RBFOX1: variants seen among roughly 807,000 people sequenced by gnomAD.
The protein encoded by RBFOX1 is RNA binding protein fox-1 homolog 1.
A neutral mutation model predicts 57.7 loss-of-function variants in RBFOX1; 8 were observed. The observed-to-expected ratio is 0.14, with a 90% CI of 0.08 to 0.25. RBFOX1 has a LOEUF of 0.25. Ranked by LOEUF, RBFOX1 falls within the 10% of genes least tolerant of loss-of-function variation. The pLI is 1.00. For synonymous variants in RBFOX1, 326 were observed against 222.4 expected (o/e 1.47, Z -4.15); for missense variants, 611 against 548.5 (o/e 1.11, Z -1.14).
At chr16:7,042,729 C>T (rs1406847245) in intron 3 of RBFOX1, among the ~76,000 whole-genome samples, 2 of 152,100 alleles carry the variant, frequency 1.3e-5, no homozygotes, top group African/African-American at 4.8e-5. Context: ...AGTTCAAGAC[C>T]AGCCTGGCCA....
chr16:6,112,206 T>A (rs1411858457), intron 1 of RBFOX1, among the ~76,000 whole-genome samples: 2 of 152,174 alleles, frequency 1.3e-5, no homozygotes, highest in Non-Finnish European at 2.9e-5. Flanking sequence ...CTTTAAGAAC[T>A]TCTGCTATAA....
intron 3 of RBFOX1, among the ~76,000 whole-genome samples, chr16:5,647,589 C>T (rs2151350270): frequency 6.6e-6 from 1 of 152,232 alleles, no homozygotes; most frequent in Admixed American, 6.5e-5. Flanking sequence ...TTTCCCTTTC[C>T]CCATTTCTCC....
intron 2 of RBFOX1, among the ~76,000 whole-genome samples, chr16:6,549,994 C>A (rs2096961277): frequency 6.6e-6 from 1 of 152,118 alleles, no homozygotes; most frequent in African/African-American, 2.4e-5. Flanking sequence ...ACTTTTTGAA[C>A]ATTGTCTAAG....
intron 3 of RBFOX1, among the ~76,000 whole-genome samples, chr16:7,009,480 C>G (rs959097322): frequency 6.6e-6 from 1 of 151,778 alleles, no homozygotes; most frequent in Non-Finnish European, 1.5e-5. Flanking sequence ...TGACTGCAGC[C>G]CAAGCACAGG....
chr16:5,505,341 G>A (rs551883719), intron 2 of RBFOX1, among the ~76,000 whole-genome samples: 108 of 152,248 alleles, frequency 7.1e-4, no homozygotes, highest in African/African-American at 2.5e-3. Flanking sequence ...GGTGCCTGTC[G>A]TCTTATTCTG....
chr16:6,895,418 ATGTGTGTGTG>A (rs139075559), intron 3 of RBFOX1, among the ~76,000 whole-genome samples: 4,513 of 86,878 alleles, frequency 0.052, 258 homozygotes, highest in Admixed American at 0.07. Flanking sequence ...TTAGTAATAT[ATGTGTGTGTG>A]TGTGTGTGTG....
chr16:7,624,673 G>C (rs774186783), intron 10 of RBFOX1, among the ~76,000 whole-genome samples: 15 of 152,208 alleles, frequency 9.9e-5, no homozygotes, highest in Non-Finnish European at 2.2e-4. Flanking sequence ...GTGCTACTCA[G>C]ACATTGCCCT....
intron 8 of RBFOX1, among the ~76,000 whole-genome samples, chr16:7,596,693 T>G (rs2094718157): frequency 6.6e-6 from 1 of 152,202 alleles, no homozygotes; most frequent in Admixed American, 6.5e-5. Context: ...CGTTCTAAGC[T>G]AGCCTGGGAG....
chr16:7,242,720 G>A (rs950844370), intron 4 of RBFOX1, among the ~76,000 whole-genome samples: 1 of 152,202 alleles, frequency 6.6e-6, no homozygotes, highest in African/African-American at 2.4e-5. Flanking sequence ...CCAGGTTTCT[G>A]ATTGAGTGGC....
chr16:5,603,191 G>T (rs2047425190), downstream of RBFOX1, among the ~76,000 whole-genome samples: 1 of 152,274 alleles, frequency 6.6e-6, no homozygotes. Flanking sequence ...AGTATATTTT[G>T]CCAGCATTCA....
intron 3 of RBFOX1, among the ~76,000 whole-genome samples, chr16:6,976,184 T>C (rs1385928039): frequency 6.6e-6 from 1 of 152,084 alleles, no homozygotes; most frequent in East Asian, 1.9e-4. Flanking sequence ...TGCTATGATT[T>C]CTACAGGAGT....
At chr16:6,725,990 C>A (rs1035579304) in intron 3 of RBFOX1, among the ~76,000 whole-genome samples, 7 of 152,116 alleles carry the variant, frequency 4.6e-5, no homozygotes. Flanking sequence ...CTGGCCCTTT[C>A]ATTATCCTTT....
chr16:5,678,166 C>T (rs556871543), intron 3 of RBFOX1, among the ~76,000 whole-genome samples: 1 of 152,184 alleles, frequency 6.6e-6, no homozygotes, highest in Non-Finnish European at 1.5e-5. Context: ...CAGCCTGATG[C>T]TTCCTTCTGG....
At chr16:6,869,792 A>T (rs904248096) in intron 3 of RBFOX1, among the ~76,000 whole-genome samples, 1 of 152,176 alleles carries the variant, frequency 6.6e-6, no homozygotes, top group South Asian at 2.1e-4. Flanking sequence ...GGAATTTCCA[A>T]TTACTTAATT....
chr16:7,486,097 G>A (rs1296293846), intron 4 of RBFOX1, among the ~76,000 whole-genome samples: 1 of 150,434 alleles, frequency 6.6e-6, no homozygotes, highest in Non-Finnish European at 1.5e-5. Context: ...TGCTGTCTGT[G>A]GGTATTTGTG....
chr16:5,801,341 C>CTT (rs56826567), intron 3 of RBFOX1, among the ~76,000 whole-genome samples: 172 of 143,368 alleles, frequency 1.2e-3, no homozygotes, highest in East Asian at 2.2e-3. Context: ...CTCCCTCTCT[C>CTT]TTTTTTTTTT....
At chr16:5,515,319 C>T (rs1162535394) in intron 2 of RBFOX1, among the ~76,000 whole-genome samples, 1 of 152,220 alleles carries the variant, frequency 6.6e-6, no homozygotes, top group Non-Finnish European at 1.5e-5. Context: ...TGGGGAGGCC[C>T]CAGCACCTGC....
chr16:6,925,892 T>G (rs2075487364), intron 3 of RBFOX1, among the ~76,000 whole-genome samples: 1 of 152,192 alleles, frequency 6.6e-6, no homozygotes. Flanking sequence ...TATGTAATTT[T>G]GTTTTATCAT....
At chr16:5,606,787 T>G (rs7184251) in intron 3 of RBFOX1, among the ~76,000 whole-genome samples, 17,867 of 152,018 alleles carry the variant, frequency 0.12, 1,348 homozygotes, top group East Asian at 0.33. Context: ...GTGGGAGTCG[T>G]AACACTGATT....
Sources: allele counts gnomAD v4.1 joint callset (sites outside exome capture counted in the v4.1 genomes callset), GRCh38; gene constraint gnomAD v4.1.1; transcripts MANE v1.5; gene names NCBI Gene and HGNC (gene_info 2026-07-23, HGNC 2026-07-21).